Variants in BCAS4 observed in about 807,000 individuals in gnomAD.
The protein encoded by BCAS4 is breast carcinoma-amplified sequence 4.
In BCAS4, 9 loss-of-function variants were observed where a neutral mutation model predicts 15.7. The ratio of observed to expected loss-of-function variants is 0.57; its 90% CI spans 0.34 to 1.00. The LOEUF (loss-of-function observed/expected upper bound fraction) is 1.00. Ranked by LOEUF, BCAS4 falls within the 50% of genes least tolerant of loss-of-function variation. The pLI, the probability that BCAS4 is intolerant of heterozygous loss-of-function variation, is 0.02. For synonymous variants in BCAS4, 101 were observed against 99.5 expected (o/e 1.02, Z -0.09); for missense variants, 225 against 239.1 (o/e 0.94, Z 0.39).
intron 3 of BCAS4, chr20:50,840,784 A>G (rs2904285): frequency 8.6e-6 from 13 of 1,505,986 alleles, no homozygotes; most frequent in Non-Finnish European, 1.2e-5. Context: ...GGCACGCGAG[A>G]ACGAGCGAAG....
chr20:50,840,417 C>T (rs2088462675), intron 3 of BCAS4: 7 of 685,342 alleles, frequency 1.0e-5, no homozygotes, highest in Non-Finnish European at 1.8e-5. Flanking sequence ...TTCTTTCCTT[C>T]CCTGCCAGCC....
chr20:50,820,930 CA>C (rs980598749), intron 2 of BCAS4, among the ~76,000 whole-genome samples: 4 of 152,308 alleles, frequency 2.6e-5, no homozygotes, highest in Non-Finnish European at 5.9e-5. Context: ...TAGCTTGTGA[CA>C]TTTTTAGAAT....
At chr20:50,858,029 G>T (rs78072037) in intron 4 of BCAS4, among the ~76,000 whole-genome samples, 2,318 of 152,172 alleles carry the variant, frequency 0.015, 47 homozygotes, top group African/African-American at 0.053. Context: ...CTGCTTGTCT[G>T]CTCCGGGAGC....
chr20:50,841,655 G>T, intron 3 of BCAS4, 111 bp from the exon 4 acceptor site: 2 of 1,459,314 alleles, frequency 1.4e-6, no homozygotes, highest in African/African-American at 1.4e-5. Context: ...ATTGGAGGGA[G>T]GCTGGTCGCA....
At chr20:50,804,227 C>T (rs566069950) in intron 1 of BCAS4, among the ~76,000 whole-genome samples, 8 of 152,172 alleles carry the variant, frequency 5.3e-5, no homozygotes, top group African/African-American at 1.7e-4. Flanking sequence ...TCAGTAGAGG[C>T]GGGGTTTCAC....
chr20:50,850,741 G>A (rs1312888366), intron 4 of BCAS4, among the ~76,000 whole-genome samples: 2 of 152,156 alleles, frequency 1.3e-5, no homozygotes, highest in African/African-American at 4.8e-5. Flanking sequence ...GCCAGCATCT[G>A]GCCTACCGTG....
At chr20:50,849,255 C>T (rs996349135) in intron 4 of BCAS4, among the ~76,000 whole-genome samples, 2 of 152,242 alleles carry the variant, frequency 1.3e-5, no homozygotes, top group East Asian at 1.9e-4. Flanking sequence ...CGGTGCTTCC[C>T]AGGGAAGCTC....
chr20:50,843,971 C>G (rs1053275191), intron 4 of BCAS4, among the ~76,000 whole-genome samples: 31 of 151,688 alleles, frequency 2.0e-4, no homozygotes, highest in African/African-American at 7.3e-4. Context: ...TGGCAAAACC[C>G]CATTTATACA....
chr20:50,816,361 G>A (rs951329941), intron 1 of BCAS4, among the ~76,000 whole-genome samples: 13 of 152,208 alleles, frequency 8.5e-5, no homozygotes, highest in Non-Finnish European at 1.8e-4. Context: ...TTACACAAGT[G>A]CATGAAGCAG....
intron 3 of BCAS4, chr20:50,832,853 A>C (rs1358194848): frequency 6.6e-6 from 1 of 152,094 alleles, no homozygotes; most frequent in East Asian, 1.9e-4. Flanking sequence ...GCCTACCTGG[A>C]TGATTCACAG....
intron 1 of BCAS4, 65 bp from the exon 2 acceptor site, chr20:50,818,146 A>AT (rs2088163317): frequency 1.3e-6 from 2 of 1,496,894 alleles, no homozygotes; most frequent in East Asian, 4.6e-5. Flanking sequence ...AAAAAAAAAA[A>AT]AATGAAGGGT....
At chr20:50,849,070 C>T (rs1200334024) in intron 4 of BCAS4, among the ~76,000 whole-genome samples, 2 of 152,260 alleles carry the variant, frequency 1.3e-5, no homozygotes, top group Admixed American at 1.3e-4. Context: ...CAGGTGTCCC[C>T]TTGGCCGGGC....
intron 4 of BCAS4, among the ~76,000 whole-genome samples, chr20:50,855,728 C>G (rs1322768774): frequency 6.6e-6 from 1 of 152,144 alleles, no homozygotes; most frequent in Non-Finnish European, 1.5e-5. Flanking sequence ...AGTGCGCCCA[C>G]AGGAGGGCCC....
At chr20:50,827,410 A>C (rs1264829724) in intron 2 of BCAS4, among the ~76,000 whole-genome samples, 2 of 152,244 alleles carry the variant, frequency 1.3e-5, no homozygotes, top group Non-Finnish European at 2.9e-5. Context: ...GTGAGCCTGC[A>C]TAAGGTGGTG....
intron 4 of BCAS4, among the ~76,000 whole-genome samples, chr20:50,869,019 G>A (rs1236760088): frequency 6.6e-6 from 1 of 152,254 alleles, no homozygotes; most frequent in Non-Finnish European, 1.5e-5. Flanking sequence ...CTGGTCCCAA[G>A]GTAGCTGCAG....
intron 2 of BCAS4, among the ~76,000 whole-genome samples, chr20:50,828,465 G>A (rs1476284747): frequency 6.6e-6 from 1 of 152,066 alleles, no homozygotes; most frequent in Non-Finnish European, 1.5e-5. Context: ...AACAGGTATA[G>A]TTTTCAAAAA....
intron 1 of BCAS4, among the ~76,000 whole-genome samples, chr20:50,798,854 A>G (rs921078549): frequency 1.3e-5 from 2 of 152,214 alleles, no homozygotes; most frequent in Non-Finnish European, 2.9e-5. Flanking sequence ...GTGTCACGGC[A>G]GTGACCTGGT....
chr20:50,831,244 C>T (rs1437319708), intron 3 of BCAS4, among the ~76,000 whole-genome samples: 2 of 152,030 alleles, frequency 1.3e-5, no homozygotes, highest in Non-Finnish European at 2.9e-5. Flanking sequence ...CCCTGGCCAA[C>T]CTGGTGAAAC....
In BCAS4 at chr20:50,802,261, C is replaced by T. The variant is rs556789066; in HGVS notation, c.90+7088C>T. Among the ~76,000 whole-genome samples, 15 of 152,252 alleles carry T rather than the reference C, an allele frequency of 9.9e-5. No homozygotes were observed. The East Asian group carries it at 1.9e-3, about 20-fold the overall frequency. On this transcript the variant is annotated intron_variant, in intron 1 of 4. Transcript: ENST00000371608. ...CGGTGTTAGAATGTACTGGGGGGAC[C>T]GCAGTGGCAGCAGGGAGACCAGAGA...
Sources: gnomAD v4.1 joint callset for allele counts (sites outside exome capture counted in the v4.1 genomes callset) on GRCh38, gnomAD v4.1.1 for gene constraint, MANE v1.5 for transcripts, NCBI Gene and HGNC (gene_info 2026-07-23, HGNC 2026-07-21) for gene names.